COMMD1: variants seen among roughly 807,000 people sequenced by gnomAD.
COMMD1 encodes COMM domain-containing protein 1.
Under a neutral mutation model 17.2 loss-of-function variants are expected in COMMD1, and 10 were observed. That is an observed-to-expected ratio of 0.58 (90% CI 0.36 to 0.99). COMMD1 has a LOEUF of 0.99. COMMD1 is among the 50% of genes least tolerant of loss of function. The pLI, the probability that COMMD1 is intolerant of heterozygous loss-of-function variation, is 0.01. For missense variants in COMMD1, 270 were observed against 231.8 expected (o/e 1.17, Z -1.07); for synonymous variants, 97 against 91.6 (o/e 1.06, Z -0.34).
intron 2 of COMMD1, among the ~76,000 whole-genome samples, chr2:62,109,207 A>C (rs138238933): frequency 6.6e-6 from 1 of 152,236 alleles, no homozygotes; most frequent in African/African-American, 2.4e-5. Context: ...CCAAGAAATG[A>C]AAACCTTTCA....
At chr2:62,103,547 T>G (rs1360066090) in intron 2 of COMMD1, among the ~76,000 whole-genome samples, 1 of 152,254 alleles carries the variant, frequency 6.6e-6, no homozygotes, top group Non-Finnish European at 1.5e-5. Flanking sequence ...AGACCGTATA[T>G]AGAACACAGG....
At chr2:62,112,182 A>T (rs2104047970) in intron 2 of COMMD1, among the ~76,000 whole-genome samples, 1 of 152,266 alleles carries the variant, frequency 6.6e-6, no homozygotes, top group African/African-American at 2.4e-5. Context: ...CTGATTCCAA[A>T]TATTTGAGTG....
upstream of COMMD1, chr2:61,888,557 G>T: frequency 1.3e-6 from 2 of 1,586,578 alleles, no homozygotes; most frequent in Non-Finnish European, 1.7e-6. Context: ...GATGGACCCG[G>T]ATTCTGGCCG....
At chr2:61,954,882 C>A (rs565816994) in intron 1 of COMMD1, among the ~76,000 whole-genome samples, 2 of 152,228 alleles carry the variant, frequency 1.3e-5, no homozygotes, top group African/African-American at 4.8e-5. Flanking sequence ...ACCGTGTTGC[C>A]CAGGCTGGTC....
In COMMD1 at chr2:62,024,949, A is replaced by C. The variant is rs138562357; in HGVS notation, c.462+23967A>C. Among the ~76,000 whole-genome samples, 772 of 152,326 alleles carry C rather than the reference A, an allele frequency of 5.1e-3. 8 individuals are homozygous for C. The highest frequency in any genetic ancestry group is 0.017 in the African/African-American group (696 of 41,570). ...ATCTTGATGCTTAAAAGAAAAGGCC[A>C]GGCGAGGTGGCTCACGCCTGTAATA... On this transcript the variant is annotated intron_variant, in intron 2 of 2. Transcript: ENST00000311832.
chr2:62,033,139 C>T (rs374527298), intron 2 of COMMD1, among the ~76,000 whole-genome samples: 7 of 151,988 alleles, frequency 4.6e-5, no homozygotes, highest in South Asian at 2.1e-4. Flanking sequence ...GATTTTTGAA[C>T]GATTTATGAC....
intron 1 of COMMD1, among the ~76,000 whole-genome samples, chr2:61,943,111 CAG>C (rs1670796549): frequency 6.6e-6 from 1 of 152,154 alleles, no homozygotes; most frequent in Admixed American, 6.5e-5. Context: ...GAAAAGAAAG[CAG>C]AGAGATAGAG....
intron 2 of COMMD1, among the ~76,000 whole-genome samples, chr2:62,052,653 T>C (rs1177935427): frequency 6.6e-6 from 1 of 152,232 alleles, no homozygotes; most frequent in African/African-American, 2.4e-5. Context: ...CTACAGAGTT[T>C]ATTTTTTCAC....
intron 2 of COMMD1, among the ~76,000 whole-genome samples, chr2:62,133,349 G>A (rs1673094259): frequency 1.3e-5 from 2 of 152,128 alleles, no homozygotes; most frequent in South Asian, 4.1e-4. Context: ...GAAGCTTGTT[G>A]GCCTGCCTTT....
At chr2:61,970,821 T>C (rs965736981) in intron 1 of COMMD1, among the ~76,000 whole-genome samples, 1 of 152,240 alleles carries the variant, frequency 6.6e-6, no homozygotes, top group African/African-American at 2.4e-5. Flanking sequence ...CAATATTTTA[T>C]CTAGTTTGTT....
At chr2:62,024,933 C>CT (rs1302570519) in intron 2 of COMMD1, among the ~76,000 whole-genome samples, 1 of 152,102 alleles carries the variant, frequency 6.6e-6, no homozygotes, top group African/African-American at 2.4e-5. Flanking sequence ...AATCTTGATG[C>CT]TTAAAAGAAA....
At chr2:62,086,442 C>A (rs1039802936) in intron 2 of COMMD1, among the ~76,000 whole-genome samples, 27 of 148,636 alleles carry the variant, frequency 1.8e-4, no homozygotes, top group African/African-American at 6.7e-4. Context: ...ACCCGGGAGG[C>A]GGAGCTTGCA....
chr2:62,015,998 ATTTTTGTAT>A (rs1314065065), intron 2 of COMMD1, among the ~76,000 whole-genome samples: 1 of 151,482 alleles, frequency 6.6e-6, no homozygotes, highest in East Asian at 1.9e-4. Context: ...CACCTGGCTA[ATTTTTGTAT>A]TTTTAGTAGA....
At chr2:61,964,714 A>G (rs1413995566) in intron 1 of COMMD1, among the ~76,000 whole-genome samples, 1 of 152,144 alleles carries the variant, frequency 6.6e-6, no homozygotes, top group Non-Finnish European at 1.5e-5. Flanking sequence ...TGTGTTTGTG[A>G]TAAAGAATTG....
At chr2:61,922,692 A>G (rs1377960547) in intron 1 of COMMD1, among the ~76,000 whole-genome samples, 1 of 152,236 alleles carries the variant, frequency 6.6e-6, no homozygotes, top group African/African-American at 2.4e-5. Context: ...GCAACTTGAA[A>G]TTGATTAAAA....
intron 2 of COMMD1, among the ~76,000 whole-genome samples, chr2:62,127,849 C>T (rs576827205): frequency 6.6e-6 from 1 of 151,692 alleles, no homozygotes; most frequent in African/African-American, 2.4e-5. Flanking sequence ...CATGGTGAAA[C>T]CCCATCACTA....
intron 2 of COMMD1, among the ~76,000 whole-genome samples, chr2:62,018,061 A>T (rs1028412778): frequency 3.3e-5 from 5 of 152,018 alleles, no homozygotes; most frequent in Admixed American, 2.0e-4. Context: ...AAAAAAAAAA[A>T]GTCTGACTTT....
At chr2:62,108,751 G>A (rs1416314812) in intron 2 of COMMD1, among the ~76,000 whole-genome samples, 2 of 152,118 alleles carry the variant, frequency 1.3e-5, no homozygotes, top group African/African-American at 4.8e-5. Flanking sequence ...TTCTGCGAAG[G>A]TGGCATATTT....
chr2:61,936,123 T>A (rs1310509171), intron 1 of COMMD1, among the ~76,000 whole-genome samples: 1 of 152,272 alleles, frequency 6.6e-6, no homozygotes, highest in African/African-American at 2.4e-5. Context: ...TTTTTTTGTT[T>A]TTTAAATTTT....
Sources: allele counts gnomAD v4.1 joint callset (sites outside exome capture counted in the v4.1 genomes callset), GRCh38; gene constraint gnomAD v4.1.1; transcripts MANE v1.5; gene names NCBI Gene and HGNC (gene_info 2026-07-23, HGNC 2026-07-21).